ERG: variants seen among roughly 807,000 people sequenced by gnomAD.
The protein encoded by ERG is ETS transcription factor ERG, also known as transcriptional regulator ERG.
Under a neutral mutation model 55.3 loss-of-function variants are expected in ERG, and 9 were observed. That is an observed-to-expected ratio of 0.16 (90% CI 0.10 to 0.28). The LOEUF is 0.28. Among genes scored for constraint, ERG ranks in the 10% least tolerant of loss-of-function variants. The pLI is 1.00. For missense variants in ERG, 434 were observed against 631.6 expected, an observed-to-expected ratio of 0.69 and a Z score of 3.35; for synonymous variants, 223 against 237.3, an observed-to-expected ratio of 0.94 and a Z score of 0.55.
At chr21:38,581,358 G>A (rs1001039500) in intron 1 of ERG, among the ~76,000 whole-genome samples, 14 of 152,194 alleles carry the variant, frequency 9.2e-5, no homozygotes, top group Non-Finnish European at 1.8e-4. Context: ...TTTGCACAAT[G>A]AGGATAATAT....
At chr21:38,462,738 C>A (rs73439078) in intron 1 of ERG, among the ~76,000 whole-genome samples, 2,496 of 152,176 alleles carry the variant, frequency 0.016, 69 homozygotes, top group African/African-American at 0.057. Flanking sequence ...TCCTAACTGA[C>A]GAGTGCTGCC....
At chr21:38,474,078 G>T (rs1453989205) in intron 1 of ERG, 1 of 152,154 alleles carries the variant, frequency 6.6e-6, no homozygotes, top group Non-Finnish European at 1.5e-5. Context: ...ATGAGATCTT[G>T]GAGGGGCAAT....
intron 2 of ERG, among the ~76,000 whole-genome samples, chr21:38,572,186 C>T (rs2059962080): frequency 9.1e-6 from 1 of 110,316 alleles, no homozygotes; most frequent in South Asian, 3.6e-4. Context: ...GAAACCCCGT[C>T]TCTACTAAAA....
At chr21:38,415,702 G>A (rs951708776) in intron 3 of ERG, among the ~76,000 whole-genome samples, 1 of 151,938 alleles carries the variant, frequency 6.6e-6, no homozygotes, top group African/African-American at 2.4e-5. Context: ...AAGTGTTCCC[G>A]GGAAAGTCAT....
At chr21:38,440,300 G>A (rs2058827930) in intron 2 of ERG, among the ~76,000 whole-genome samples, 1 of 152,210 alleles carries the variant, frequency 6.6e-6, no homozygotes. Context: ...TTGAGGAGCT[G>A]CACTCCTGGC....
At chr21:38,582,014 G>A (rs1179286211) in intron 1 of ERG, among the ~76,000 whole-genome samples, 1 of 134,524 alleles carries the variant, frequency 7.4e-6, no homozygotes, top group Non-Finnish European at 1.5e-5. Flanking sequence ...CTGCACTCCA[G>A]CCTGGGCAAC....
intron 2 of ERG, among the ~76,000 whole-genome samples, chr21:38,537,109 A>G (rs73215973): frequency 0.068 from 10,280 of 152,208 alleles, 527 homozygotes; most frequent in East Asian, 0.18. Flanking sequence ...TATGCAAAAG[A>G]AAAAAGTTGG....
intron 2 of ERG, among the ~76,000 whole-genome samples, chr21:38,444,477 G>A (rs539504361): frequency 2.6e-5 from 4 of 152,268 alleles, no homozygotes; most frequent in East Asian, 3.9e-4. Flanking sequence ...GCAACATTTC[G>A]AAGAAATAAT....
intron 1 of ERG, among the ~76,000 whole-genome samples, chr21:38,650,615 C>T (rs962648751): frequency 1.5e-5 from 2 of 134,092 alleles, no homozygotes; most frequent in Admixed American, 1.4e-4. Flanking sequence ...CCAGCCTGCG[C>T]AACAGAGCAA....
At chr21:38,625,491 T>C (rs1171639619) in intron 1 of ERG, among the ~76,000 whole-genome samples, 5 of 152,196 alleles carry the variant, frequency 3.3e-5, no homozygotes, top group African/African-American at 4.8e-5. Context: ...CTTTTATTCA[T>C]GGCCTTGTTC....
chr21:38,616,315 T>C (rs2060258632), intron 1 of ERG, among the ~76,000 whole-genome samples: 1 of 152,158 alleles, frequency 6.6e-6, no homozygotes, highest in Admixed American at 6.5e-5. Context: ...TGGACTAATA[T>C]ACCCGTCTTG....
At chr21:38,640,317 A>G (rs1444002539) in intron 1 of ERG, among the ~76,000 whole-genome samples, 3 of 152,194 alleles carry the variant, frequency 2.0e-5, no homozygotes, top group Non-Finnish European at 2.9e-5. Flanking sequence ...ATTATGATTT[A>G]CCTACATTGG....
chr21:38,372,825 GT>G, the ERG span, among the ~76,000 whole-genome samples: 81 of 144,784 alleles, frequency 5.6e-4, no homozygotes, highest in South Asian at 6.6e-4. Context: ...TCCATTTCTT[GT>G]TTTTTTTTTC....
At chr21:38,388,261 A>T (rs1987798962) in intron 9 of ERG, among the ~76,000 whole-genome samples, 1 of 152,236 alleles carries the variant, frequency 6.6e-6, no homozygotes, top group African/African-American at 2.4e-5. Flanking sequence ...GATGTAAAGG[A>T]GCTGTGTTGC....
intron 2 of ERG, among the ~76,000 whole-genome samples, chr21:38,505,402 A>C (rs909658984): frequency 7.6e-4 from 116 of 152,214 alleles, no homozygotes; most frequent in Non-Finnish European, 3.2e-4. Context: ...CAAGCAACGC[A>C]GAGGACACAG....
chr21:38,637,503 CT>C (rs2060396968), intron 1 of ERG, among the ~76,000 whole-genome samples: 1 of 152,170 alleles, frequency 6.6e-6, no homozygotes, highest in Admixed American at 6.5e-5. Context: ...CCTAACATTT[CT>C]GAGCTTCCAT....
At chr21:38,488,892 T>C (rs569791159) in intron 1 of ERG, among the ~76,000 whole-genome samples, 1 of 152,366 alleles carries the variant, frequency 6.6e-6, no homozygotes, top group South Asian at 2.1e-4. Flanking sequence ...ACACCGAGGA[T>C]GAGAACGAGG....
At chr21:38,499,293 C>T (rs1429802637), upstream of ERG, among the ~76,000 whole-genome samples, 2 of 152,174 alleles carry the variant, frequency 1.3e-5, no homozygotes, top group African/African-American at 4.8e-5. Context: ...CCCAGAGATG[C>T]CATGTGAGGG....
At chr21:38,475,775 C>T (rs1021072472) in intron 1 of ERG, among the ~76,000 whole-genome samples, 1 of 152,128 alleles carries the variant, frequency 6.6e-6, no homozygotes, top group Non-Finnish European at 1.5e-5. Flanking sequence ...TCAGTCTCCC[C>T]CATCTGCATC....
Sources: gnomAD v4.1 joint callset for allele counts (sites outside exome capture counted in the v4.1 genomes callset) on GRCh38, gnomAD v4.1.1 for gene constraint, MANE v1.5 for transcripts, NCBI Gene and HGNC (gene_info 2026-07-23, HGNC 2026-07-21) for gene names.